NARS1: variants seen among roughly 807,000 people sequenced by gnomAD.
NARS1 encodes asparagine--tRNA ligase, cytoplasmic.
A neutral mutation model predicts 79.2 loss-of-function variants in NARS1; 65 were observed. The observed-to-expected ratio is 0.82, with a 90% CI of 0.67 to 1.01. The LOEUF (loss-of-function observed/expected upper bound fraction) is 1.01. NARS1 is among the 50% of genes least tolerant of loss of function. The pLI is 0.00. For missense variants in NARS1, 649 were observed against 673.8 expected, an observed-to-expected ratio of 0.96 and a Z score of 0.41; for synonymous variants, 229 against 238.8, an observed-to-expected ratio of 0.96 and a Z score of 0.38.
intron 5 of NARS1, 49 bp downstream of exon 5, chr18:57,613,553 G>C: frequency 6.9e-7 from 1 of 1,458,734 alleles, no homozygotes; most frequent in East Asian, 2.3e-5. Flanking sequence ...CTTCATCTAA[G>C]AGCAGGGATA....
intron 2 of NARS1, among the ~76,000 whole-genome samples, chr18:57,619,564 G>A (rs1002188094): frequency 1.3e-5 from 2 of 152,016 alleles, no homozygotes; most frequent in Non-Finnish European, 2.9e-5. Context: ...TCTTCCTTAT[G>A]TGGCAGTTAT....
Position 57,602,446 on chromosome 18 carries a change from C to G in NARS1, c.1424G>C (p.Gly475Ala). The part of the protein sequence containing the change: ...LMPNVGEIVG[G>A]SMRIFDSEEI... ...TTCACTATCAAAGATACGCATTGAG[C>G]CTCCCACAATCTCACCAACATTGGG... The change falls in exon 13 of 14, where the codon GGC becomes GCC. Residue 475 changes from glycine to alanine, a missense_variant. Transcript: ENST00000256854. The G allele has an allele frequency of 6.2e-7, 1 of 1,613,808 alleles. No homozygotes were observed. The highest frequency in any genetic ancestry group is 8.5e-7 in the Non-Finnish European group (1 of 1,179,762).
At chr18:57,612,401 C>T (rs144375724) in intron 5 of NARS1, among the ~76,000 whole-genome samples, 4 of 152,194 alleles carry the variant, frequency 2.6e-5, no homozygotes, top group African/African-American at 7.2e-5. Flanking sequence ...TACTGAAATC[C>T]GCTTAAAACA....
Position 57,602,398 on chromosome 18 carries a change from C to T in NARS1, c.1472G>A (p.Arg491Lys), listed in dbSNP as rs773542351. 1 of 1,613,904 alleles carries T rather than the reference C, an allele frequency of 6.2e-7. No homozygotes were observed. ...DSEEILAGYK[R>K]EGIDPTPYYW... ...ATAGGGAGTGGGGTCAATCCCTTCC[C>T]TTTTATAACCTGCCAGTATTTCTTC... The change falls in exon 13 of 14, where the codon AGG becomes AAG. Residue 491 changes from arginine (R) to lysine (K), a missense_variant. Transcript: ENST00000256854.
intron 5 of NARS1, among the ~76,000 whole-genome samples, chr18:57,613,170 G>A (rs1387539936): frequency 2.6e-5 from 4 of 151,912 alleles, no homozygotes; most frequent in African/African-American, 4.8e-5. Context: ...AGGATGGCTG[G>A]GGGGAGTTCA....
intron 2 of NARS1, among the ~76,000 whole-genome samples, chr18:57,616,530 A>G (rs1226012212): frequency 6.6e-6 from 1 of 152,188 alleles, no homozygotes; most frequent in Non-Finnish European, 1.5e-5. Context: ...TCCCCAGGAA[A>G]AGCAGACTAT....
intron 5 of NARS1, among the ~76,000 whole-genome samples, chr18:57,612,239 G>A (rs1349114864): frequency 2.8e-4 from 43 of 152,182 alleles, no homozygotes; most frequent in Non-Finnish European, 2.9e-5. Flanking sequence ...ACAACCAGGG[G>A]AAAGCAGGAC....
chr18:57,616,183 T>G (rs1908022048), intron 2 of NARS1, among the ~76,000 whole-genome samples: 1 of 151,586 alleles, frequency 6.6e-6, no homozygotes, highest in African/African-American at 2.4e-5. Context: ...TCCCAGCACT[T>G]TGGAAGGCCG....
chr18:57,620,295 C>T (rs3745063), intron 2 of NARS1, among the ~76,000 whole-genome samples: 12,086 of 152,104 alleles, frequency 0.079, 958 homozygotes, highest in East Asian at 0.33. Context: ...ATTGAAAACC[C>T]AGCAATCTGA....
At chr18:57,612,324 C>A (rs1336219835) in intron 5 of NARS1, among the ~76,000 whole-genome samples, 1 of 152,192 alleles carries the variant, frequency 6.6e-6, no homozygotes, top group Non-Finnish European at 1.5e-5. Flanking sequence ...TAGTACTGTG[C>A]ACTCGGTGAT....
intron 5 of NARS1, among the ~76,000 whole-genome samples, chr18:57,612,434 T>C (rs2051611715): frequency 6.6e-6 from 1 of 152,178 alleles, no homozygotes; most frequent in Non-Finnish European, 1.5e-5. Flanking sequence ...TTTTGTCCCC[T>C]CCACCGTCGC....
Position 57,602,855 on chromosome 18 carries a change from A to G in NARS1, c.1340T>C (p.Phe447Ser). 6.2e-7 allele frequency: 1 copy of G among 1,614,136 alleles called. No individual in the cohort carries two copies. Among genetic ancestry groups the G allele is most frequent in the Non-Finnish European group, 8.5e-7 (1 of 1,179,974 alleles). ...LCRFPVEIKS[F>S]YMQRCPEDSR... ...ATCCTCAGGACATCGCTGCATGTAG[A>G]AGGACTTGATCTCCACAGGAAATCG... Residue 447 changes from phenylalanine (F) to serine (S), a missense_variant, in exon 12 of 14, where the codon TTC becomes TCC. Phe to Ser is a radical substitution (Grantham distance 155). Transcript: ENST00000256854.
intron 11 of NARS1, among the ~76,000 whole-genome samples, chr18:57,604,539 T>C (rs978582421): frequency 6.6e-6 from 1 of 152,256 alleles, no homozygotes; most frequent in African/African-American, 2.4e-5. Context: ...AACAATTAGA[T>C]GTGCAAATAT....
chr18:57,603,712 A>G (rs2051529950), intron 11 of NARS1, among the ~76,000 whole-genome samples: 1 of 152,206 alleles, frequency 6.6e-6, no homozygotes, highest in South Asian at 2.1e-4. Context: ...AGTGAAATGG[A>G]GGTAGCAATC....
At chr18:57,611,821 G>A (rs933564612) in intron 5 of NARS1, 114 bp from the exon 6 acceptor site, 1 of 428,788 alleles carries the variant, frequency 2.3e-6, no homozygotes, top group Admixed American at 4.7e-5. Flanking sequence ...AGAGTGCAGT[G>A]GCACAATCAC....
At position 57,615,713 on chromosome 18, in the gene NARS1, T is replaced by C. The variant is rs2122451586; in HGVS notation, c.270A>G (p.Arg90=). The change falls in exon 4 of 14, where the codon CGA becomes CGG. Residue 90 remains arginine (R), a synonymous_variant. Transcript: ENST00000256854. ...TTGCTTCTTCCAGGTTCTTTTCTCT[T>C]CGTAAACTATCTTCTGCCTAATTTT... ...REKKEAEDSL[R]REKNLEEAKK... 6.2e-7 allele frequency: 1 copy of C among 1,613,118 alleles called. No individual in the cohort carries two copies. The highest frequency in any genetic ancestry group is 1.3e-5 in the African/African-American group (1 of 74,958).
At chr18:57,607,731 G>A in intron 7 of NARS1, 66 bp from the exon 8 acceptor site, 3 of 1,324,838 alleles carry the variant, frequency 2.3e-6, no homozygotes, top group Non-Finnish European at 2.1e-6. Flanking sequence ...ACAGTATTGA[G>A]GATTTTAATT....
intron 9 of NARS1, 166 bp from the exon 10 acceptor site, chr18:57,606,917 T>C (rs1208283767): frequency 2.1e-6 from 2 of 942,924 alleles, no homozygotes; most frequent in Non-Finnish European, 3.1e-6. Flanking sequence ...AGTAGCAATT[T>C]CTTGTTTGCT....
intron 11 of NARS1, 118 bp from the exon 12 acceptor site, chr18:57,603,061 A>T (rs985206765): frequency 5.2e-5 from 46 of 887,070 alleles, no homozygotes; most frequent in Non-Finnish European, 8.0e-5. Flanking sequence ...GAGGATACAC[A>T]CCTACCCTTA....
Sources: gnomAD v4.1 joint callset for allele counts (sites outside exome capture counted in the v4.1 genomes callset) on GRCh38, gnomAD v4.1.1 for gene constraint, MANE v1.5 for transcripts, NCBI Gene and HGNC (gene_info 2026-07-23, HGNC 2026-07-21) for gene names.